PIK3R3: variants seen among roughly 807,000 people sequenced by gnomAD.
PIK3R3 encodes phosphatidylinositol 3-kinase regulatory subunit gamma.
In PIK3R3, 64 loss-of-function variants were observed where a neutral mutation model predicts 62.9. The ratio of observed to expected loss-of-function variants is 1.02; its 90% CI spans 0.83 to 1.25. The LOEUF (loss-of-function observed/expected upper bound fraction) is 1.25, where lower values mean the gene tolerates loss of function less well. PIK3R3 is among the 50% of genes most tolerant of loss of function. The pLI, the probability that PIK3R3 is intolerant of heterozygous loss-of-function variation, is 0.00. For missense variants in PIK3R3, 614 were observed against 561.6 expected, an observed-to-expected ratio of 1.09 and a Z score of -0.94; for synonymous variants, 165 against 189.0, an observed-to-expected ratio of 0.87 and a Z score of 1.04.
chr1:46,098,399 A>C (rs1652345121), intron 1 of PIK3R3, among the ~76,000 whole-genome samples: 1 of 152,260 alleles, frequency 6.6e-6, no homozygotes, highest in Non-Finnish European at 1.5e-5. Flanking sequence ...ACTTGCAATG[A>C]ATGTTCATGG....
chr1:46,090,279 G>T (rs1190807253), intron 1 of PIK3R3, among the ~76,000 whole-genome samples: 3 of 151,854 alleles, frequency 2.0e-5, no homozygotes, highest in Admixed American at 1.3e-4. Flanking sequence ...TGTATTTTCA[G>T]GAATTTTGCA....
the PIK3R3 span, among the ~76,000 whole-genome samples, chr1:46,166,205 T>TTTTTCTTTTCTTTTC: frequency 6.6e-6 from 1 of 151,554 alleles, no homozygotes; most frequent in Non-Finnish European, 1.5e-5. Flanking sequence ...CTTATAGGCT[T>TTTTTCTTTTCTTTTC]TTTTCTTTTC....
At chr1:46,133,087 C>CAA, upstream of PIK3R3, 2 of 971,796 alleles carry the variant, frequency 2.1e-6, no homozygotes, top group Non-Finnish European at 2.5e-6. Context: ...TGCGAAGGAG[C>CAA]GGGAGACGGC....
upstream of PIK3R3, chr1:46,132,946 G>T: frequency 8.7e-7 from 1 of 1,152,832 alleles, no homozygotes. Context: ...CCGCACTCCA[G>T]GAGTCAGTGC....
At chr1:46,159,074 G>A in the PIK3R3 span, among the ~76,000 whole-genome samples, 5 of 140,384 alleles carry the variant, frequency 3.6e-5, no homozygotes, top group Admixed American at 7.4e-5. Flanking sequence ...GCAGCAAAGT[G>A]AGACTCCATC....
chr1:46,129,962 T>C (rs1274885591), intron 1 of PIK3R3, among the ~76,000 whole-genome samples: 2 of 152,192 alleles, frequency 1.3e-5, no homozygotes, highest in Non-Finnish European at 1.5e-5. Context: ...CCATGGAAAA[T>C]AAAGTTTGGA....
chr1:46,082,615 G>A (rs1464916766), intron 1 of PIK3R3, among the ~76,000 whole-genome samples: 4 of 151,986 alleles, frequency 2.6e-5, no homozygotes, highest in East Asian at 1.9e-4. Context: ...ATGGCATCAC[G>A]TTGACAATCT....
chr1:46,098,228 T>C (rs1417958098), intron 1 of PIK3R3, among the ~76,000 whole-genome samples: 1 of 152,236 alleles, frequency 6.6e-6, no homozygotes, highest in East Asian at 1.9e-4. Flanking sequence ...TCACATCCAC[T>C]AGGATAGCTA....
the PIK3R3 span, among the ~76,000 whole-genome samples, chr1:46,159,481 A>G: frequency 3.1e-3 from 478 of 152,334 alleles, 8 homozygotes; most frequent in Non-Finnish European, 1.1e-3. Context: ...CTGGATTTTG[A>G]GCATGATCCA....
intron 8 of PIK3R3, 89 bp downstream of exon 8, chr1:46,046,462 T>C: frequency 3.4e-6 from 3 of 888,986 alleles, no homozygotes; most frequent in South Asian, 2.8e-5. Flanking sequence ...CAAGTGACAA[T>C]GACAACCAAT....
At chr1:46,166,282 G>C in the PIK3R3 span, among the ~76,000 whole-genome samples, 1 of 151,608 alleles carries the variant, frequency 6.6e-6, no homozygotes, top group African/African-American at 2.4e-5. Flanking sequence ...GGAGTGCAGT[G>C]ACATGATCTT....
At chr1:46,089,726 A>G (rs1192706259) in intron 1 of PIK3R3, among the ~76,000 whole-genome samples, 2 of 151,968 alleles carry the variant, frequency 1.3e-5, no homozygotes, top group African/African-American at 2.4e-5. Context: ...AAAAAAAAAA[A>G]AAAAGAAAGG....
intron 6 of PIK3R3, 112 bp downstream of exon 6, chr1:46,061,817 C>T (rs964789037): frequency 2.1e-6 from 2 of 959,050 alleles, no homozygotes; most frequent in Admixed American, 4.3e-5. Flanking sequence ...CAAGTGGTTC[C>T]AATAGTAGGG....
intron 1 of PIK3R3, among the ~76,000 whole-genome samples, chr1:46,101,314 T>C (rs148802083): frequency 7.7e-4 from 117 of 151,586 alleles, no homozygotes; most frequent in African/African-American, 2.8e-3. Flanking sequence ...ACCAACATGG[T>C]GAAACCCCAT....
intron 1 of PIK3R3, among the ~76,000 whole-genome samples, chr1:46,104,625 C>T (rs566507299): frequency 6.6e-6 from 1 of 152,024 alleles, no homozygotes; most frequent in South Asian, 2.1e-4. Flanking sequence ...ACAATGTTTC[C>T]CTTGGTTGAA....
intron 1 of PIK3R3, among the ~76,000 whole-genome samples, chr1:46,083,552 G>A (rs1650797564): frequency 6.6e-6 from 1 of 152,076 alleles, no homozygotes; most frequent in Non-Finnish European, 1.5e-5. Flanking sequence ...TTTTGTACTT[G>A]TATCTAAATA....
intron 1 of PIK3R3, among the ~76,000 whole-genome samples, chr1:46,126,557 A>G (rs1471475733): frequency 2.6e-5 from 4 of 151,952 alleles, no homozygotes; most frequent in South Asian, 4.2e-4. Context: ...AAAAAACCAA[A>G]TAAGTCTTCT....
chr1:46,129,656 C>T (rs1330641375), intron 1 of PIK3R3, among the ~76,000 whole-genome samples: 1 of 152,082 alleles, frequency 6.6e-6, no homozygotes, highest in African/African-American at 2.4e-5. Context: ...AAACATGCTG[C>T]AACCACTTCA....
At chr1:46,162,483 T>C in the PIK3R3 span, among the ~76,000 whole-genome samples, 1 of 151,904 alleles carries the variant, frequency 6.6e-6, no homozygotes, top group Admixed American at 6.6e-5. Context: ...ATAAATAAAT[T>C]AATTAATTAA....
Sources: allele counts gnomAD v4.1 joint callset (sites outside exome capture counted in the v4.1 genomes callset), GRCh38; gene constraint gnomAD v4.1.1; transcripts MANE v1.5; gene names NCBI Gene and HGNC (gene_info 2026-07-23, HGNC 2026-07-21).